The following ASPSCR1 variants were observed in gnomAD, a reference collection of about 807,000 sequenced individuals.
ASPSCR1 encodes the protein ASPSCR1 tether for SLC2A4, UBX domain containing, also known as tether containing UBX domain for GLUT4.
A neutral mutation model predicts 68.9 loss-of-function variants in ASPSCR1; 55 were observed. The observed-to-expected ratio is 0.80, with a 90% CI of 0.64 to 1.00. ASPSCR1 has a LOEUF of 1.00. ASPSCR1 is among the 50% of genes least tolerant of loss of function. ASPSCR1 has a pLI of 0.00. For missense variants in ASPSCR1, 765 were observed against 762.2 expected (o/e 1.00, Z -0.04); for synonymous variants, 352 against 332.6 (o/e 1.06, Z -0.63).
At chr17:81,981,495 C>T (rs980201416) in intron 2 of ASPSCR1, among the ~76,000 whole-genome samples, 2 of 152,338 alleles carry the variant, frequency 1.3e-5, no homozygotes, top group Non-Finnish European at 1.5e-5. Flanking sequence ...TCTTCTGCCT[C>T]AGCCTCCCGA....
rs1177085108 is a variant in ASPSCR1 at position 82,017,312 on chromosome 17, G to C, written c.1652G>C (p.Ser551Thr). The C allele has an allele frequency of 6.2e-7, 1 of 1,611,444 alleles. No individual in the cohort carries two copies. The change falls in exon 16 of 16, where the codon AGC becomes ACC. Residue 551 changes from serine to threonine, a missense_variant. Coordinates refer to ENST00000306739, the MANE Select transcript of ASPSCR1 (RefSeq NM_024083.4). ...CCCTGATGTGTCTGCACTACAGCCA[G>C]CAAGAGGTGAGAGCTGCCAGCCTGA... is the stretch of plus-strand genomic sequence containing the variant. Reference protein sequence around the residue: ...KVPKWLKLPASKR With the variant: ...KVPKWLKLPATKR
In ASPSCR1 at chr17:81,986,164, C is replaced by T. The variant is rs1301585965; in HGVS notation, c.374+557C>T. Among the ~76,000 whole-genome samples the T allele has an allele frequency of 5.9e-5, 9 of 152,158 alleles. No homozygotes were observed. In the South Asian group the frequency reaches 1.7e-3, roughly 28 times the overall value. On this transcript the variant is annotated intron_variant, in intron 4 of 15. Transcript: ENST00000306739. The surrounding 1 kb of genome is among the most constrained non-coding windows in gnomAD (Gnocchi z 5.2). ...ACAGTGGCTGGGCACAGTGGCTGGG[C>T]AAAGTGGCTTGCACTTTGGAAGGCC...
intron 8 of ASPSCR1, 92 bp from the exon 9 acceptor site, chr17:82,009,394 C>A: frequency 7.2e-7 from 1 of 1,393,916 alleles, no homozygotes; most frequent in African/African-American, 1.5e-5. Context: ...CAGCCCACTC[C>A]CACCCTGGAG....
At chr17:82,000,245 G>C (rs2144056646) in intron 7 of ASPSCR1, among the ~76,000 whole-genome samples, 1 of 152,390 alleles carries the variant, frequency 6.6e-6, no homozygotes, top group South Asian at 2.1e-4. Flanking sequence ...TGCAGAGCGT[G>C]GGGCGTGGAG....
At position 82,009,109 on chromosome 17, in the gene ASPSCR1, T is replaced by C. The variant is rs1317407813; in HGVS notation, c.1006T>C (p.Trp336Arg). Residue 336 changes from tryptophan (W) to arginine (R), a missense_variant, in exon 8 of 16, where the codon TGG becomes CGG. Transcript: ENST00000306739. ...CGACCTGGAGGAGCGGCTGCAGGCC[T>C]GGCCAGCGGAGCTGCCTGATGAGTT... ...HPDLEERLQAWPAELPDEFFE... is the reference protein window; with the variant it reads ...HPDLEERLQARPAELPDEFFE... The C allele has an allele frequency of 1.3e-6, 2 of 1,598,628 alleles. No homozygotes were observed. The highest frequency in any genetic ancestry group is 1.7e-6 in the Non-Finnish European group (2 of 1,173,588).
intron 6 of ASPSCR1, 59 bp from the exon 7 acceptor site, chr17:81,996,361 G>C: frequency 6.5e-7 from 1 of 1,527,658 alleles, no homozygotes; most frequent in Non-Finnish European, 8.8e-7. Flanking sequence ...TGGGCCGGGA[G>C]AGGGTGAGCC....
At position 81,997,860 on chromosome 17, in the gene ASPSCR1, T is replaced by C. The variant is rs555170959; in HGVS notation, c.933+1014T>C. Reference sequence around the variant, plus strand: ...TTTTTTTTTGAGATGGAGTTTTGCTTCTGTCGCCCAGGCTGGAGTGTGGTG... The same window carrying C: ...TTTTTTTTTGAGATGGAGTTTTGCTCCTGTCGCCCAGGCTGGAGTGTGGTG... On this transcript the variant is annotated intron_variant, in intron 7 of 15. Coordinates refer to ENST00000306739, the MANE Select transcript of ASPSCR1 (RefSeq NM_024083.4). Among the ~76,000 whole-genome samples, 38 of 149,682 alleles carry C rather than the reference T, an allele frequency of 2.5e-4. No homozygotes were observed. In the East Asian group the frequency reaches 6.3e-3, roughly 25 times the overall value.
intron 3 of ASPSCR1, among the ~76,000 whole-genome samples, chr17:81,985,091 TCTG>T (rs1004017908): frequency 8.5e-6 from 1 of 117,818 alleles, no homozygotes; most frequent in Admixed American, 1.0e-4. Flanking sequence ...CACCTACACA[TCTG>T]CGCACATACC....
In ASPSCR1 at chr17:81,994,862, T is replaced by A. The variant is rs1224089274; in HGVS notation, c.416T>A (p.Val139Glu). The A allele has an allele frequency of 1.2e-6, 2 of 1,612,898 alleles. No homozygotes were observed. The highest frequency in any genetic ancestry group is 2.2e-5 in the South Asian group (2 of 91,014). ...CCCGGCGGGGCCACCCCAGTCTGCG[T>A]GTACACGAGGGATGAGGTAGGCGGC... is the stretch of plus-strand genomic sequence containing the variant. ...QHPGGATPVC[V>E]YTRDEVTGEA... Residue 139 changes from valine (V) to glutamate (E), a missense_variant, in exon 5 of 16, where the codon GTG becomes GAG. By Grantham distance (121) the Val-to-Glu change is moderately radical. Transcript: ENST00000306739.
chr17:81,993,283 G>A lies in ASPSCR1; in HGVS notation c.375-1538G>A, dbSNP rs562568585. ...GGCTGGAGTGCAGTGGCGCGATCTCGGCTCACTGCAAGCTCCACCTCCTGG... is the reference window on the plus strand; with the variant it reads ...GGCTGGAGTGCAGTGGCGCGATCTCAGCTCACTGCAAGCTCCACCTCCTGG... On this transcript the variant is annotated intron_variant, in intron 4 of 15. Coordinates refer to ENST00000306739, the MANE Select transcript of ASPSCR1 (RefSeq NM_024083.4). Among the ~76,000 whole-genome samples, 5 of 152,088 alleles carry A rather than the reference G, an allele frequency of 3.3e-5. No homozygotes were observed. The South Asian group carries it at 1.0e-3, about 31-fold the overall frequency.
intron 12 of ASPSCR1, chr17:82,015,002 G>T: frequency 6.8e-7 from 1 of 1,472,478 alleles, no homozygotes. Flanking sequence ...CCCTCAGCCT[G>T]TGCCTCCCTC....
rs1031850663 is a variant in ASPSCR1 at position 82,009,546 on chromosome 17, G to C, written c.1149G>C (p.Glu383Asp). The change falls in exon 9 of 16, where the codon GAG becomes GAC. Residue 383 changes from glutamate to aspartate, a missense_variant. Physicochemically the swap from Glu to Asp is conservative, Grantham distance 45 (BLOSUM62 2). Coordinates refer to ENST00000306739, the MANE Select transcript of ASPSCR1 (RefSeq NM_024083.4). ...CCTTCAGGGAGGCGCAGATAAAGGA[G>C]AAGCTGGAGCGCTACCCAAAGGTCT... The part of the protein sequence containing the change: ...TKAFREAQIK[E>D]KLERYPKVAL... 3 of 1,579,704 alleles carry C rather than the reference G, an allele frequency of 1.9e-6. No homozygotes were observed. The highest frequency in any genetic ancestry group is 1.7e-6 in the Non-Finnish European group (2 of 1,165,744).
chr17:81,989,732 C>A (rs1003774589), intron 4 of ASPSCR1, among the ~76,000 whole-genome samples: 1 of 152,188 alleles, frequency 6.6e-6, no homozygotes, highest in Admixed American at 6.5e-5. Context: ...TAGCACGCAG[C>A]CCTGGCCCGA....
chr17:82,008,979 C>A, intron 7 of ASPSCR1, 58 bp from the exon 8 acceptor site: 1 of 1,434,312 alleles, frequency 7.0e-7, no homozygotes, highest in Non-Finnish European at 9.1e-7. Flanking sequence ...ACTGACAGCC[C>A]GGGGTGCGGA....
intron 5 of ASPSCR1, 191 bp downstream of exon 5, chr17:81,995,069 G>A (rs1011241564): frequency 8.3e-5 from 47 of 563,750 alleles, no homozygotes; most frequent in African/African-American, 7.4e-4. Context: ...AACCTCCCTC[G>A]GCGCCCTGTT....
chr17:81,996,314 C>A, intron 6 of ASPSCR1, 106 bp from the exon 7 acceptor site: 1 of 1,295,972 alleles, frequency 7.7e-7, no homozygotes, highest in South Asian at 1.8e-5. Flanking sequence ...GAACCGGGGG[C>A]GGGAGAGGGT....
At chr17:81,984,647 G>A (rs1307411689) in intron 3 of ASPSCR1, among the ~76,000 whole-genome samples, 1 of 151,744 alleles carries the variant, frequency 6.6e-6, no homozygotes, top group Admixed American at 6.6e-5. Flanking sequence ...GAATCTGGGA[G>A]CAGCTTAGCT....
intron 15 of ASPSCR1, 47 bp from the exon 16 acceptor site, chr17:82,017,262 G>T: frequency 6.2e-7 from 1 of 1,607,896 alleles, no homozygotes. Context: ...GTGGCCGGGT[G>T]GTGAGAGCCC....
At chr17:81,996,113 A>G (rs2042328199) in intron 6 of ASPSCR1, 48 bp downstream of exon 6, 5 of 1,530,580 alleles carry the variant, frequency 3.3e-6, no homozygotes, top group African/African-American at 1.4e-5. Context: ...GCTAAAAAAA[A>G]AAGTGGTCTC....
Sources: allele counts gnomAD v4.1 joint callset (sites outside exome capture counted in the v4.1 genomes callset), GRCh38; gene constraint gnomAD v4.1.1; non-coding constraint Gnocchi (gnomAD v3.1); transcripts MANE v1.5; gene names NCBI Gene and HGNC (gene_info 2026-07-23, HGNC 2026-07-21).